AGRN: variants seen among roughly 807,000 people sequenced by gnomAD.
The protein encoded by AGRN is agrin.
A neutral mutation model predicts 211.0 loss-of-function variants in AGRN; 106 were observed. The ratio of observed to expected loss-of-function variants is 0.50; its 90% CI spans 0.43 to 0.59. The LOEUF (loss-of-function observed/expected upper bound fraction) is 0.59, where lower values mean the gene tolerates loss of function less well. Ranked by LOEUF, AGRN falls within the 20% of genes least tolerant of loss-of-function variation. The pLI is 0.00. For synonymous variants in AGRN, 1,525 were observed against 1,332.5 expected (o/e 1.14, Z -3.15); for missense variants, 3,040 against 2,982.6 (o/e 1.02, Z -0.45).
chr1:1,049,916 C>T lies in AGRN; in HGVS notation c.4758C>T (p.Ala1586=), dbSNP rs138071518. 136 of 1,610,012 alleles carry T rather than the reference C, an allele frequency of 8.4e-5. No individual in the cohort carries two copies. Among genetic ancestry groups the T allele is most frequent in the African/African-American group, 2.0e-4 (15 of 74,076 alleles). Residue 1586 remains alanine, a synonymous_variant, in exon 27 of 36, where the codon GCC becomes GCT. Coordinates refer to ENST00000379370, the MANE Select transcript of AGRN (RefSeq NM_198576.4). ...CPPGRVGPTC[A]DEKSPCQPNP... The stretch of plus-strand genomic sequence containing the variant: ...TCCTCCATCCAGGACCAACCTGTGC[C>T]GATGAGAAGAGCCCCTGCCAGCCCA...
intron 24 of AGRN, 68 bp downstream of exon 24, chr1:1,049,127 G>C: frequency 1.3e-6 from 1 of 757,702 alleles, no homozygotes; most frequent in Non-Finnish European, 1.9e-6. Flanking sequence ...GGGGAGGGGG[G>C]GCCGGGGCAG....
chr1:1,044,923 C>G (rs1175713931), intron 12 of AGRN, among the ~76,000 whole-genome samples: 1 of 152,162 alleles, frequency 6.6e-6, no homozygotes, highest in Non-Finnish European at 1.5e-5. Flanking sequence ...AGCTGCGTGT[C>G]CGTGATCTTT....
chr1:1,027,359 T>C (rs959261503), intron 2 of AGRN, among the ~76,000 whole-genome samples: 16 of 152,312 alleles, frequency 1.1e-4, no homozygotes, highest in African/African-American at 3.6e-4. Context: ...TACCACCCTA[T>C]GTCCCTGGGT....
chr1:1,045,794 C>T lies in AGRN; in HGVS notation c.2598C>T (p.Cys866=), dbSNP rs759191224. The stretch of plus-strand genomic sequence containing the variant: ...ACTGTGAGCAGATGACGGGGCTGTG[C>T]TCGTGTAAGCCCGGGGTGGCTGGAC... ...RDDCEQMTGL[C]SCKPGVAGPK... Residue 866 remains cysteine (C), a synonymous_variant, in exon 15 of 36, where the codon TGC becomes TGT. Transcript: ENST00000379370. 7.4e-6 allele frequency: 12 copies of T among 1,613,146 alleles called. No homozygotes were observed. In the South Asian group the frequency reaches 1.1e-4, roughly 15 times the overall value.
In AGRN at chr1:1,036,932, A is replaced by G. The variant is rs1644817598; in HGVS notation, c.511+1608A>G. Among the ~76,000 whole-genome samples the G allele has an allele frequency of 2.0e-5, 3 of 152,240 alleles. No homozygotes were observed. The South Asian group carries it at 6.2e-4, about 32-fold the overall frequency. On this transcript the variant is annotated intron_variant, in intron 3 of 35. Transcript: ENST00000379370. ...CCATGGGTGGTTTGTGACCTGAGGC[A>G]TTTGAGGGGACACGGGTTGCAGGGG...
At chr1:1,030,578 T>C (rs574655227) in intron 2 of AGRN, among the ~76,000 whole-genome samples, 3 of 81,974 alleles carry the variant, frequency 3.7e-5, no homozygotes, top group Non-Finnish European at 5.2e-5. Flanking sequence ...CATGTGTGTG[T>C]GCAGTGCATG....
Position 1,020,256 on chromosome 1 carries a change from C to T in AGRN, c.84C>T (p.Gly28=), listed in dbSNP as rs1429989654. 9.6e-6 allele frequency: 14 copies of T among 1,458,738 alleles called. No individual in the cohort carries two copies. The highest frequency in any genetic ancestry group is 2.4e-5 in the Admixed American group (1 of 41,750). 90.4% of individuals were successfully genotyped at this position (1,458,738 alleles called of 1,614,324 possible). The part of the protein sequence containing the change: ...VVAACVLPGA[G]GTCPERALER... ...CCGCGTGCGTCCTGCCCGGAGCCGG[C>T]GGGACATGCCCGGAGCGCGCGCTGG... The change falls in exon 1 of 36, where the codon GGC becomes GGT. Residue 28 remains glycine, a synonymous_variant. Transcript: ENST00000379370.
Position 1,046,809 on chromosome 1 carries a change from C to T in AGRN, c.3251-11C>T, listed in dbSNP as rs780751901. 32 of 1,578,102 alleles carry T rather than the reference C, an allele frequency of 2.0e-5. No homozygotes were observed. The highest frequency in any genetic ancestry group is 1.7e-4 in the African/African-American group (13 of 74,652). ...TCCACCAGAGCCTGGGCTCAGAGCG[C>T]GTCTCCCCAGGGCTCGAGCCCTTGG... On this transcript the variant is annotated splice_polypyrimidine_tract_variant and intron_variant, in intron 18 of 35. Coordinates refer to ENST00000379370, the MANE Select transcript of AGRN (RefSeq NM_198576.4).
Position 1,046,379 on chromosome 1 carries a change from A to G in AGRN, c.2912-18A>G. 1.9e-6 allele frequency: 3 copies of G among 1,608,230 alleles called. No homozygotes were observed. Among genetic ancestry groups the G allele is most frequent in the South Asian group, 2.2e-5 (2 of 90,702 alleles). On this transcript the variant is annotated intron_variant, in intron 17 of 35. Coordinates refer to ENST00000379370, the MANE Select transcript of AGRN (RefSeq NM_198576.4). ...CCTGTCCCAACCGGTCCCCCCGCCAACCTCCCTCTCCTTGCAGAGGCTGTT... is the reference window on the plus strand; with the variant it reads ...CCTGTCCCAACCGGTCCCCCCGCCAGCCTCCCTCTCCTTGCAGAGGCTGTT...
At chr1:1,046,780 A>C (rs752748681) in intron 18 of AGRN, 40 bp from the exon 19 acceptor site, 1 of 1,572,636 alleles carries the variant, frequency 6.4e-7, no homozygotes, top group African/African-American at 1.3e-5. Flanking sequence ...AGGCGCCGAG[A>C]GGCTCCACCA....
rs757815893 is a variant in AGRN at position 1,049,030 on chromosome 1, G to A, written c.4269G>A (p.Leu1423=). The change falls in exon 24 of 36, where the codon TTG becomes TTA. Residue 1423 remains leucine (L), a synonymous_variant. Transcript: ENST00000379370. The part of the protein sequence containing the change: ...GNARGKDFLA[L]ALLDGRVQLR... ...CCCGGGGCAAGGACTTCCTGGCATTGGCGCTGCTAGATGGCCGCGTGCAGC... is the reference window on the plus strand; with the variant it reads ...CCCGGGGCAAGGACTTCCTGGCATTAGCGCTGCTAGATGGCCGCGTGCAGC... 6.4e-7 allele frequency: 1 copy of A among 1,573,066 alleles called. No individual in the cohort carries two copies. Among genetic ancestry groups the A allele is most frequent in the South Asian group, 1.2e-5 (1 of 85,882 alleles).
rs1407808759 is a variant in AGRN, at chr1:1,045,949, A to G, written c.2681-15A>G. On this transcript the variant is annotated splice_polypyrimidine_tract_variant and intron_variant, in intron 15 of 35. Transcript: ENST00000379370. ...GTCACCCGAGCCACAGAGGTTTCCC[A>G]TGCCCGTGCCCCAGACGCTTCTGCG... is the stretch of plus-strand genomic sequence containing the variant. 4 of 1,613,172 alleles carry G rather than the reference A, an allele frequency of 2.5e-6. No individual in the cohort carries two copies. In the East Asian group the frequency reaches 8.9e-5, roughly 36 times the overall value.
In AGRN at chr1:1,047,957, T is replaced by C. The variant is rs1209375055; in HGVS notation, c.3752-55T>C. The C allele has an allele frequency of 5.7e-6, 9 of 1,577,556 alleles. No individual in the cohort carries two copies. In the African/African-American group the frequency reaches 1.2e-4, roughly 21 times the overall value. ...CCTCCTCTGCCCATGCCCCTGCCCC[T>C]CACCCCTTCCTGGCCCTGCTCCCAG... On this transcript the variant is annotated intron_variant, in intron 22 of 35. Coordinates refer to ENST00000379370, the MANE Select transcript of AGRN (RefSeq NM_198576.4).
rs1224067877 is a variant in AGRN, at chr1:1,041,488, G to C, written c.963G>C (p.Gln321His). ...GCCCTCGACCCCCAGACCCCTGTCA[G>C]GGCGCCCTCCCTGACCCGAGCCGCA... The part of the protein sequence containing the change: ...KKFDGPCDPC[Q>H]GALPDPSRSC... The change falls in exon 6 of 36, where the codon CAG becomes CAC. Residue 321 changes from glutamine (Q) to histidine (H), a missense_variant. Physicochemically the swap from Gln to His is conservative, Grantham distance 24. Transcript: ENST00000379370. 6.3e-7 allele frequency: 1 copy of C among 1,594,270 alleles called. No homozygotes were observed. The highest frequency in any genetic ancestry group is 1.7e-4 in the Middle Eastern group (1 of 6,050).
In AGRN at chr1:1,044,896, C is replaced by T. The variant is rs115449966; in HGVS notation, c.2255-265C>T. Among the ~76,000 whole-genome samples the T allele has an allele frequency of 0.022, 3,393 of 152,234 alleles. 84 individuals are homozygous for T. Among genetic ancestry groups the T allele is most frequent in the African/African-American group, 0.063 (2,598 of 41,536 alleles). ...GTTTCTCGATTTGCAAGGAAGCTCGCGTGTGTGTGTGCACAGAGCTGCGTG... is the reference window on the plus strand; with the variant it reads ...GTTTCTCGATTTGCAAGGAAGCTCGTGTGTGTGTGTGCACAGAGCTGCGTG... On this transcript the variant is annotated intron_variant, in intron 12 of 35. Coordinates refer to ENST00000379370, the MANE Select transcript of AGRN (RefSeq NM_198576.4).
At position 1,035,176 on chromosome 1, in the gene AGRN, G is replaced by C. The variant is rs1046795175; in HGVS notation, c.464-101G>C. On this transcript the variant is annotated intron_variant, in intron 2 of 35. Coordinates refer to ENST00000379370, the MANE Select transcript of AGRN (RefSeq NM_198576.4). ...GATCCCTGGGGCTAGCGGTGGGGGGGGGGGGGTGGGCAGGGGTGCCCCTTT... is the reference window on the plus strand; with the variant it reads ...GATCCCTGGGGCTAGCGGTGGGGGGCGGGGGGTGGGCAGGGGTGCCCCTTT... 22 of 1,246,804 alleles carry C rather than the reference G, an allele frequency of 1.8e-5. 1 individual carries two copies. Among genetic ancestry groups the C allele is most frequent in the African/African-American group, 1.1e-4 (7 of 65,726 alleles). 77.2% of individuals were successfully genotyped at this position (1,246,804 alleles called of 1,614,324 possible).
At chr1:1,040,939 G>A in intron 4 of AGRN, 59 bp downstream of exon 4, 1 of 1,211,056 alleles carries the variant, frequency 8.3e-7, no homozygotes, top group Non-Finnish European at 1.0e-6. Context: ...GAGATGGAGC[G>A]AGGCTGGGAG....
Position 1,046,408 on chromosome 1 carries a change from C to A in AGRN, c.2923C>A (p.Pro975Thr). Reference sequence around the variant, plus strand: ...CCCTCTCCTTGCAGAGGCTGTTGCTCCCAGCACTCACCCGACATCTGCCTC... The same window carrying A: ...CCCTCTCCTTGCAGAGGCTGTTGCTACCAGCACTCACCCGACATCTGCCTC... ...SLGPCQEAVA[P>T]STHPTSASVT... is the part of the protein sequence containing the mutation. The change falls in exon 18 of 36, where the codon CCC becomes ACC. Residue 975 changes from proline to threonine, a missense_variant. Pro to Thr is a conservative substitution (Grantham distance 38). Coordinates refer to ENST00000379370, the MANE Select transcript of AGRN (RefSeq NM_198576.4). 1 of 1,612,164 alleles carries A rather than the reference C, an allele frequency of 6.2e-7. No individual in the cohort carries two copies.
At chr1:1,021,657 G>A (rs1644409421) in intron 1 of AGRN, among the ~76,000 whole-genome samples, 1 of 152,362 alleles carries the variant, frequency 6.6e-6, no homozygotes, top group South Asian at 2.1e-4. Flanking sequence ...GAGCTGAGAA[G>A]GTGGAGGGTG....
Sources: gnomAD v4.1 joint callset for allele counts (sites outside exome capture counted in the v4.1 genomes callset) on GRCh38, gnomAD v4.1.1 for gene constraint, MANE v1.5 for transcripts, NCBI Gene and HGNC (gene_info 2026-07-23, HGNC 2026-07-21) for gene names.